Variants in FHIT observed in about 807,000 individuals in gnomAD.
FHIT encodes the protein bis(5'-adenosyl)-triphosphatase.
A neutral mutation model predicts 17.9 loss-of-function variants in FHIT; 19 were observed. The observed-to-expected ratio is 1.06, with a 90% CI of 0.74 to 1.56. The LOEUF (loss-of-function observed/expected upper bound fraction) is 1.56, where lower values mean the gene tolerates loss of function less well. FHIT is among the 40% of genes most tolerant of loss of function. The pLI is 0.00. For missense variants in FHIT, 248 were observed against 189.2 expected (o/e 1.31, Z -1.82); for synonymous variants, 81 against 69.7 (o/e 1.16, Z -0.81).
intron 5 of FHIT, among the ~76,000 whole-genome samples, chr3:60,473,059 A>C (rs897138127): frequency 1.1e-4 from 16 of 152,054 alleles, no homozygotes; most frequent in African/African-American, 3.4e-4. Context: ...CCTTTGCTTT[A>C]AAAAAAAGTT....
chr3:60,411,629 G>A (rs1208078930), intron 5 of FHIT, among the ~76,000 whole-genome samples: 1 of 152,174 alleles, frequency 6.6e-6, no homozygotes, highest in Non-Finnish European at 1.5e-5. Context: ...ATGACAGGGA[G>A]GATGTTGGTC....
At chr3:60,599,871 T>C (rs1553668190) in intron 4 of FHIT, among the ~76,000 whole-genome samples, 1 of 152,092 alleles carries the variant, frequency 6.6e-6, no homozygotes, top group Non-Finnish European at 1.5e-5. Flanking sequence ...TATTGACATT[T>C]TAGACCACAT....
chr3:60,258,642 G>C (rs567547087), intron 5 of FHIT, among the ~76,000 whole-genome samples: 3 of 152,082 alleles, frequency 2.0e-5, no homozygotes, highest in Non-Finnish European at 4.4e-5. Context: ...ACAAAAGGTA[G>C]ATCAACAAGG....
At chr3:60,437,168 C>T (rs190587088) in intron 5 of FHIT, among the ~76,000 whole-genome samples, 6 of 152,138 alleles carry the variant, frequency 3.9e-5, no homozygotes, top group Admixed American at 2.0e-4. Flanking sequence ...CCTTAAAAAC[C>T]CATCACTGAT....
intron 5 of FHIT, among the ~76,000 whole-genome samples, chr3:60,309,669 C>T (rs1381688216): frequency 2.0e-5 from 3 of 152,114 alleles, no homozygotes; most frequent in Admixed American, 6.6e-5. Flanking sequence ...AGTAAGCCAA[C>T]AGACTCTGAG....
At chr3:61,053,311 T>C (rs903244986) in intron 2 of FHIT, among the ~76,000 whole-genome samples, 1 of 152,054 alleles carries the variant, frequency 6.6e-6, no homozygotes, top group African/African-American at 2.4e-5. Flanking sequence ...AAAAATGTCC[T>C]GGAAAGAAAA....
At chr3:61,209,471 G>T (rs1339566924) in intron 1 of FHIT, among the ~76,000 whole-genome samples, 1 of 152,022 alleles carries the variant, frequency 6.6e-6, no homozygotes. Flanking sequence ...ACATAGATTT[G>T]GTCTTTTCAC....
chr3:61,093,181 G>T (rs940064875), intron 2 of FHIT, among the ~76,000 whole-genome samples: 5 of 152,156 alleles, frequency 3.3e-5, no homozygotes, highest in Non-Finnish European at 7.3e-5. Flanking sequence ...GCATGGAAGG[G>T]TCTTGACACT....
chr3:60,846,178 C>T lies in FHIT; in HGVS notation c.-110-24167G>A, dbSNP rs140818066. Reference sequence around the variant, plus strand: ...ACTACATAATACAGCATGCCCTATTCTTAAGGCAATACATAAAATTTTAAA... The same window carrying T: ...ACTACATAATACAGCATGCCCTATTTTTAAGGCAATACATAAAATTTTAAA... On this transcript the variant is annotated intron_variant, in intron 3 of 9. Transcript: ENST00000492590. Among the ~76,000 whole-genome samples, 1,420 of 152,236 alleles carry T rather than the reference C, an allele frequency of 9.3e-3. 12 individuals are homozygous for T. The highest frequency in any genetic ancestry group is 0.02 in the Middle Eastern group (6 of 294).
At chr3:60,405,570 G>A (rs1339208218) in intron 5 of FHIT, among the ~76,000 whole-genome samples, 2 of 152,312 alleles carry the variant, frequency 1.3e-5, no homozygotes, top group East Asian at 1.9e-4. Flanking sequence ...GCCAGACTTG[G>A]CCCAGGTGGG....
chr3:60,321,924 C>T (rs1479519741), intron 5 of FHIT, among the ~76,000 whole-genome samples: 2 of 152,150 alleles, frequency 1.3e-5, no homozygotes, highest in Non-Finnish European at 2.9e-5. Flanking sequence ...GCAGAGCCCT[C>T]GTGACTTAAT....
intron 5 of FHIT, among the ~76,000 whole-genome samples, chr3:60,436,617 T>A (rs1314737068): frequency 1.3e-5 from 2 of 152,116 alleles, no homozygotes; most frequent in African/African-American, 2.4e-5. Flanking sequence ...TCTTCATAAA[T>A]CAAGTTGTTG....
intron 4 of FHIT, among the ~76,000 whole-genome samples, chr3:60,749,306 GT>G (rs61540430): frequency 0.53 from 80,988 of 151,752 alleles, 22,113 homozygotes; most frequent in African/African-American, 0.65. Flanking sequence ...CTCTGAGACG[GT>G]TTTTTTTCCG....
At chr3:61,108,690 G>A (rs907103452) in intron 2 of FHIT, among the ~76,000 whole-genome samples, 1 of 152,142 alleles carries the variant, frequency 6.6e-6, no homozygotes, top group Admixed American at 6.5e-5. Flanking sequence ...CGGGCCTCAA[G>A]AAAGTAAAAA....
At chr3:60,075,671 T>C (rs190567858) in intron 5 of FHIT, among the ~76,000 whole-genome samples, 83 of 152,054 alleles carry the variant, frequency 5.5e-4, no homozygotes, top group Non-Finnish European at 9.1e-4. Context: ...CCCAGACTAA[T>C]AGGAATCAAA....
At chr3:61,193,788 A>C (rs892225727) in intron 2 of FHIT, among the ~76,000 whole-genome samples, 1 of 152,186 alleles carries the variant, frequency 6.6e-6, no homozygotes, top group African/African-American at 2.4e-5. Flanking sequence ...TAGGGATGGA[A>C]AGGTGTGATA....
intron 3 of FHIT, among the ~76,000 whole-genome samples, chr3:60,836,789 C>T (rs1702557599): frequency 6.6e-6 from 1 of 152,014 alleles, no homozygotes; most frequent in Non-Finnish European, 1.5e-5. Context: ...TGGGGGAAGG[C>T]AGGGGTTTAA....
At chr3:61,185,080 C>A (rs568428863) in intron 2 of FHIT, among the ~76,000 whole-genome samples, 7 of 152,154 alleles carry the variant, frequency 4.6e-5, no homozygotes, top group East Asian at 1.9e-4. Context: ...TTTTCCCCCC[C>A]ACGAAGTAGG....
At chr3:59,986,647 ATATTTT>A (rs1202204876) in intron 7 of FHIT, among the ~76,000 whole-genome samples, 1 of 28,198 alleles carries the variant, frequency 3.5e-5, no homozygotes, top group Non-Finnish European at 7.3e-5. Flanking sequence ...AATTTTTAAA[ATATTTT>A]TATGTATTTA....
Sources: gnomAD v4.1 joint callset for allele counts (sites outside exome capture counted in the v4.1 genomes callset) on GRCh38, gnomAD v4.1.1 for gene constraint, MANE v1.5 for transcripts, NCBI Gene and HGNC (gene_info 2026-07-23, HGNC 2026-07-21) for gene names.